The following SCPEP1 variants were observed in gnomAD, a reference collection of about 807,000 sequenced individuals.
SCPEP1 encodes serine carboxypeptidase 1, also known as retinoid-inducible serine carboxypeptidase.
SCPEP1 carries 51 observed loss-of-function variants against 63.8 expected under a neutral mutation model. The observed-to-expected ratio is 0.80, with a 90% CI of 0.64 to 1.01. SCPEP1 has a LOEUF of 1.01. Ranked by LOEUF, SCPEP1 falls within the 50% of genes least tolerant of loss-of-function variation. SCPEP1 has a pLI of 0.00. For synonymous variants in SCPEP1, 204 were observed against 207.8 expected, an observed-to-expected ratio of 0.98 and a Z score of 0.16; for missense variants, 499 against 554.9, an observed-to-expected ratio of 0.90 and a Z score of 1.01.
At chr17:56,985,325 G>A in intron 2 of SCPEP1, 53 bp from the exon 3 acceptor site, 5 of 1,373,082 alleles carry the variant, frequency 3.6e-6, no homozygotes, top group Non-Finnish European at 2.1e-6. Flanking sequence ...GTCATTCATT[G>A]TAAAGACTAA....
Position 57,006,383 on chromosome 17 carries a change from T to G in SCPEP1, c.*148T>G. ...TGACCAGCTTCTGCAGAGGATAAAA[T>G]CATTGTCTCTGGAGGCAATTTGGAA... On this transcript the variant is annotated 3_prime_UTR_variant, in exon 13 of 13. Coordinates refer to ENST00000262288, the MANE Select transcript of SCPEP1 (RefSeq NM_021626.3). 2.1e-6 allele frequency: 1 copy of G among 485,796 alleles called. No individual in the cohort carries two copies. Among genetic ancestry groups the G allele is most frequent in the Non-Finnish European group, 3.6e-6 (1 of 277,030 alleles). 30.1% of individuals were successfully genotyped at this position (485,796 alleles called of 1,614,324 possible).
chr17:56,991,968 C>T (rs561115415), intron 6 of SCPEP1, among the ~76,000 whole-genome samples: 15 of 152,304 alleles, frequency 9.8e-5, no homozygotes, highest in African/African-American at 2.4e-4. Flanking sequence ...CCTAACAAAA[C>T]GTGATTTCCC....
At chr17:56,978,910 A>T (rs988336333) in intron 1 of SCPEP1, among the ~76,000 whole-genome samples, 75 of 152,148 alleles carry the variant, frequency 4.9e-4, no homozygotes, top group African/African-American at 1.6e-3. Context: ...TGTCTGGGAG[A>T]TTTTGTAAAA....
At chr17:56,981,794 C>A (rs1829964777) in intron 2 of SCPEP1, among the ~76,000 whole-genome samples, 1 of 152,118 alleles carries the variant, frequency 6.6e-6, no homozygotes, top group African/African-American at 2.4e-5. Flanking sequence ...TGCGCTCCAG[C>A]CTGGGCGACA....
At chr17:56,996,836 T>A in intron 8 of SCPEP1, 126 bp from the exon 9 acceptor site, 1 of 570,462 alleles carries the variant, frequency 1.8e-6, no homozygotes, top group Non-Finnish European at 3.0e-6. Context: ...TATTTCTTTC[T>A]GATCCAAGCA....
chr17:56,989,120 G>A (rs370787814), intron 5 of SCPEP1, among the ~76,000 whole-genome samples: 1 of 152,146 alleles, frequency 6.6e-6, no homozygotes, highest in African/African-American at 2.4e-5. Flanking sequence ...AGCTCAAGGA[G>A]TTGAAGCTGC....
intron 5 of SCPEP1, among the ~76,000 whole-genome samples, chr17:56,989,692 A>G (rs1452318861): frequency 6.6e-6 from 1 of 152,220 alleles, no homozygotes; most frequent in Non-Finnish European, 1.5e-5. Context: ...CATGCCTGTA[A>G]TCCCAGCACT....
At chr17:56,998,309 CAAA>C (rs367630962) in intron 9 of SCPEP1, 73 bp from the exon 10 acceptor site, 2,900 of 740,246 alleles carry the variant, frequency 3.9e-3, no homozygotes, top group Non-Finnish European at 4.3e-3. Context: ...GATTCTGTCT[CAAA>C]AAAAAAAAAA....
At chr17:56,984,521 C>G (rs1222673756) in intron 2 of SCPEP1, 2 of 152,400 alleles carry the variant, frequency 1.3e-5, no homozygotes, top group African/African-American at 4.8e-5. Flanking sequence ...GCCCCCAACA[C>G]CGAGCTGTGG....
Position 56,981,779 on chromosome 17 carries a change from G to T in SCPEP1, c.225+549G>T, listed in dbSNP as rs139350623. 8.3e-3 allele frequency among the ~76,000 whole-genome samples: 1,266 copies of T among 152,254 alleles called. 18 individuals are homozygous for T. The highest frequency in any genetic ancestry group is 0.028 in the African/African-American group (1,176 of 41,546). On this transcript the variant is annotated intron_variant, in intron 2 of 12. Transcript: ENST00000262288. ...GGAGGTAGCAGTGAGCTGAGATCGTGCCACTGCGCTCCAGCCTGGGCGACA... is the reference window on the plus strand; with the variant it reads ...GGAGGTAGCAGTGAGCTGAGATCGTTCCACTGCGCTCCAGCCTGGGCGACA...
chr17:56,996,208 T>TATTC (rs1911553742), intron 8 of SCPEP1, among the ~76,000 whole-genome samples: 1 of 147,114 alleles, frequency 6.8e-6, no homozygotes, highest in African/African-American at 2.6e-5. Context: ...TTTTTTCCTC[T>TATTC]ATTTATTTAT....
chr17:56,997,813 C>T (rs1043767755), intron 9 of SCPEP1, among the ~76,000 whole-genome samples: 6 of 151,654 alleles, frequency 4.0e-5, no homozygotes, highest in Admixed American at 3.3e-4. Flanking sequence ...GGCCAGAGTG[C>T]CATTGAATTT....
chr17:56,989,435 G>A (rs1234296723), intron 5 of SCPEP1, among the ~76,000 whole-genome samples: 1 of 152,000 alleles, frequency 6.6e-6, no homozygotes, highest in East Asian at 1.9e-4. Context: ...AATTTAAAAG[G>A]ACAATTTGAC....
intron 12 of SCPEP1, among the ~76,000 whole-genome samples, chr17:57,005,148 T>G (rs977022147): frequency 1.3e-4 from 20 of 152,236 alleles, no homozygotes; most frequent in African/African-American, 4.3e-4. Flanking sequence ...CAGCCGCCCA[T>G]GGGGCAGGTG....
rs996525838 is a variant in SCPEP1 at position 56,995,591 on chromosome 17, G to A, written c.742G>A (p.Glu248Lys). The A allele has an allele frequency of 6.2e-7, 1 of 1,613,974 alleles. No individual in the cohort carries two copies. The highest frequency in any genetic ancestry group is 8.5e-7 in the Non-Finnish European group (1 of 1,180,000). The change falls in exon 8 of 13, where the codon GAG becomes AAG. Residue 248 changes from glutamate to lysine, a missense_variant. Transcript: ENST00000262288. The stretch of plus-strand genomic sequence containing the variant: ...TGCCGTAAATAAGGGGCTCTACAGA[G>A]AGGCCACAGAGCTGTGGGGGAAAGC... ...LNAVNKGLYR[E>K]ATELWGKAEM...
chr17:56,982,356 C>T (rs748305005), intron 2 of SCPEP1, among the ~76,000 whole-genome samples: 1 of 152,128 alleles, frequency 6.6e-6, no homozygotes, highest in East Asian at 1.9e-4. Context: ...CCAGGATGGT[C>T]GATGCAGACT....
intron 8 of SCPEP1, 21 bp from the exon 9 acceptor site, chr17:56,996,941 A>C (rs1428673328): frequency 6.4e-7 from 1 of 1,552,776 alleles, no homozygotes; most frequent in Non-Finnish European, 8.8e-7. Context: ...ACAAACAGCC[A>C]AATAAACTTT....
At chr17:56,978,335 C>G (rs528296266) in intron 1 of SCPEP1, 100 bp downstream of exon 1, 80 of 1,351,176 alleles carry the variant, frequency 5.9e-5, no homozygotes, top group Non-Finnish European at 7.3e-5. Flanking sequence ...TGTCTCTTTT[C>G]CCCGGTTCTT....
intron 10 of SCPEP1, among the ~76,000 whole-genome samples, chr17:56,999,854 T>A (rs955988580): frequency 6.6e-6 from 1 of 152,018 alleles, no homozygotes; most frequent in African/African-American, 2.4e-5. Flanking sequence ...AGGTGGCACA[T>A]GCCTGTAATC....
Sources: gnomAD v4.1 joint callset for allele counts (sites outside exome capture counted in the v4.1 genomes callset) on GRCh38, gnomAD v4.1.1 for gene constraint, MANE v1.5 for transcripts, NCBI Gene and HGNC (gene_info 2026-07-23, HGNC 2026-07-21) for gene names.